Variants in TMEM108 observed in about 807,000 individuals in gnomAD.
The protein encoded by TMEM108 is transmembrane protein 108.
Under a neutral mutation model 35.1 loss-of-function variants are expected in TMEM108, and 12 were observed. The ratio of observed to expected loss-of-function variants is 0.34; its 90% confidence interval spans 0.22 to 0.55. TMEM108 has a LOEUF of 0.55. Ranked by LOEUF, TMEM108 falls within the 20% of genes least tolerant of loss-of-function variation. The pLI is 0.89. For synonymous variants in TMEM108, 287 were observed against 308.6 expected, an observed-to-expected ratio of 0.93 and a Z score of 0.73; for missense variants, 680 against 753.3, an observed-to-expected ratio of 0.90 and a Z score of 1.14.
At chr3:133,369,115 C>T (rs148499353) in intron 3 of TMEM108, among the ~76,000 whole-genome samples, 1,949 of 152,228 alleles carry the variant, frequency 0.013, 18 homozygotes, top group South Asian at 0.036. Context: ...AACGCAAATC[C>T]CACTGACCCC....
intron 2 of TMEM108, among the ~76,000 whole-genome samples, chr3:133,212,598 G>A (rs1945847782): frequency 1.3e-5 from 2 of 152,166 alleles, no homozygotes; most frequent in African/African-American, 4.8e-5. Flanking sequence ...CAGGCATGGT[G>A]TCTCATGCCT....
intron 4 of TMEM108, among the ~76,000 whole-genome samples, chr3:133,385,477 C>CA (rs2073124817): frequency 6.6e-6 from 1 of 152,182 alleles, no homozygotes; most frequent in Non-Finnish European, 1.5e-5. Flanking sequence ...CTAAGCCCCC[C>CA]AGCCTGACCT....
At chr3:133,148,840 A>G (rs1332059711) in intron 2 of TMEM108, among the ~76,000 whole-genome samples, 1 of 151,976 alleles carries the variant, frequency 6.6e-6, no homozygotes, top group African/African-American at 2.4e-5. Context: ...TACAAAAAAT[A>G]AATAAAATCA....
chr3:133,230,385 C>A (rs2107653011), intron 3 of TMEM108, among the ~76,000 whole-genome samples: 1 of 152,276 alleles, frequency 6.6e-6, no homozygotes, highest in African/African-American at 2.4e-5. Context: ...AAACACATAT[C>A]ACGTCAGCCT....
At chr3:133,095,515 A>T (rs1384769461) in intron 2 of TMEM108, among the ~76,000 whole-genome samples, 2 of 152,100 alleles carry the variant, frequency 1.3e-5, no homozygotes, top group African/African-American at 4.8e-5. Flanking sequence ...TATATAATGA[A>T]ATATTATAGT....
At chr3:133,057,482 T>C in intron 2 of TMEM108, among the ~76,000 whole-genome samples, 1 of 142,524 alleles carries the variant, frequency 7.0e-6, no homozygotes, top group East Asian at 2.1e-4. Context: ...TATATATATA[T>C]ATATGTGGGT....
intron 2 of TMEM108, among the ~76,000 whole-genome samples, chr3:133,225,396 T>C (rs762213129): frequency 7.2e-5 from 11 of 152,076 alleles, no homozygotes; most frequent in Non-Finnish European, 1.5e-4. Flanking sequence ...TTTTTCTTCC[T>C]CATACAAATC....
intron 2 of TMEM108, among the ~76,000 whole-genome samples, chr3:133,089,096 C>CT (rs1182455190): frequency 6.6e-6 from 1 of 152,104 alleles, no homozygotes; most frequent in Admixed American, 6.5e-5. Context: ...AACCAGATCT[C>CT]ACAAAAACTC....
At chr3:133,094,600 C>T (rs1028750249) in intron 2 of TMEM108, among the ~76,000 whole-genome samples, 11 of 152,304 alleles carry the variant, frequency 7.2e-5, no homozygotes, top group Non-Finnish European at 1.3e-4. Flanking sequence ...CCCTCCATAT[C>T]GCCAGCATAT....
chr3:133,067,078 G>A (rs576444720), intron 2 of TMEM108, among the ~76,000 whole-genome samples: 40 of 152,078 alleles, frequency 2.6e-4, no homozygotes, highest in African/African-American at 8.9e-4. Context: ...TCTTATTTGT[G>A]TCTCCTGGTA....
intron 2 of TMEM108, among the ~76,000 whole-genome samples, chr3:133,056,290 C>G (rs566171175): frequency 3.7e-4 from 56 of 152,278 alleles, no homozygotes; most frequent in Non-Finnish European, 6.0e-4. Flanking sequence ...TTCTCTCCTC[C>G]CTGTGTACAG....
intron 3 of TMEM108, among the ~76,000 whole-genome samples, chr3:133,313,038 T>G (rs536132039): frequency 6.6e-6 from 1 of 152,304 alleles, no homozygotes; most frequent in African/African-American, 2.4e-5. Flanking sequence ...TAACATATTT[T>G]CTTCCTGAGC....
rs371796063 is a variant in TMEM108 at position 133,244,453 on chromosome 3, G to A, written c.40+15102G>A. Among the ~76,000 whole-genome samples, 41 of 152,294 alleles carry A rather than the reference G, an allele frequency of 2.7e-4. No individual in the cohort carries two copies. In the East Asian group the frequency reaches 6.2e-3, roughly 23 times the overall value. ...AAACCAGTATGGAGGTTCCATGTAA[G>A]GGCTGGAGATGGCTGGTGAAGGGCT... On this transcript the variant is annotated intron_variant, in intron 3 of 5. Coordinates refer to ENST00000321871, the MANE Select transcript of TMEM108 (RefSeq NM_023943.4).
At chr3:133,122,134 A>G (rs903698279) in intron 2 of TMEM108, among the ~76,000 whole-genome samples, 1 of 152,084 alleles carries the variant, frequency 6.6e-6, no homozygotes, top group Admixed American at 6.5e-5. Context: ...ATGATTTCTA[A>G]TTTAGCAGCA....
At chr3:133,333,006 C>T (rs1559907560) in intron 3 of TMEM108, among the ~76,000 whole-genome samples, 2 of 152,172 alleles carry the variant, frequency 1.3e-5, no homozygotes, top group Non-Finnish European at 2.9e-5. Context: ...GCTGCATATG[C>T]CATGGTGACA....
At chr3:133,218,614 T>A (rs535938858) in intron 2 of TMEM108, among the ~76,000 whole-genome samples, 4 of 152,100 alleles carry the variant, frequency 2.6e-5, no homozygotes. Context: ...CATGTTAGGA[T>A]GTTGAATTTT....
chr3:133,072,084 G>C (rs913545284), intron 2 of TMEM108, among the ~76,000 whole-genome samples: 4 of 152,060 alleles, frequency 2.6e-5, no homozygotes, highest in African/African-American at 9.7e-5. Context: ...ACAGTCCTTT[G>C]GTGTTGGTAC....
intron 5 of TMEM108, among the ~76,000 whole-genome samples, chr3:133,393,590 C>T (rs1306215258): frequency 6.6e-6 from 1 of 152,194 alleles, no homozygotes; most frequent in African/African-American, 2.4e-5. Context: ...AAACGAGGGG[C>T]CAGCTTCACT....
At position 133,346,600 on chromosome 3, in the gene TMEM108, G is replaced by A. The variant is rs1185106229; in HGVS notation, c.41-33152G>A. ...TGCAATTATTTTCTTCCAGTCGATG[G>A]CTTGTCTTTTATTCTTTGAATTTAT... On this transcript the variant is annotated intron_variant, in intron 3 of 5. Coordinates refer to ENST00000321871, the MANE Select transcript of TMEM108 (RefSeq NM_023943.4). This position sits in a 1 kb window ranked among gnomAD's most constrained non-coding sequence, Gnocchi z 4.0. 6.6e-6 allele frequency among the ~76,000 whole-genome samples: 1 copy of A among 151,732 alleles called. No homozygotes were observed. Among genetic ancestry groups the A allele is most frequent in the Non-Finnish European group, 1.5e-5 (1 of 67,824 alleles).
Sources: gnomAD v4.1 joint callset for allele counts (sites outside exome capture counted in the v4.1 genomes callset) on GRCh38, gnomAD v4.1.1 for gene constraint, Gnocchi (gnomAD v3.1) non-coding constraint, MANE v1.5 for transcripts, NCBI Gene and HGNC (gene_info 2026-07-23, HGNC 2026-07-21) for gene names.